CLNK: variants seen among roughly 807,000 people sequenced by gnomAD.
The protein encoded by CLNK is cytokine-dependent hematopoietic cell linker.
Under a neutral mutation model 68.6 loss-of-function variants are expected in CLNK, and 74 were observed. That is an observed-to-expected ratio of 1.08 (90% CI 0.89 to 1.31). CLNK has a LOEUF of 1.31. Ranked by LOEUF, CLNK falls within the 50% of genes most tolerant of loss-of-function variation. The probability of loss-of-function intolerance (pLI) is 0.00; values close to 1 mark genes in which losing one functional copy is unlikely to be tolerated. For synonymous variants in CLNK, 198 were observed against 172.2 expected (o/e 1.15, Z -1.17); for missense variants, 553 against 515.3 (o/e 1.07, Z -0.71).
chr4:10,532,400 A>G, intron 11 of CLNK, 117 bp from the exon 12 acceptor site: 2 of 764,002 alleles, frequency 2.6e-6, no homozygotes, highest in East Asian at 5.3e-5. Flanking sequence ...AACAGCCCAT[A>G]GTCCAGTGAG....
At chr4:10,680,205 A>G (rs1725042050) in intron 1 of CLNK, among the ~76,000 whole-genome samples, 2 of 152,164 alleles carry the variant, frequency 1.3e-5, no homozygotes, top group African/African-American at 4.8e-5. Context: ...TGATGAGTTC[A>G]TGTCCTTTGT....
intron 8 of CLNK, among the ~76,000 whole-genome samples, chr4:10,544,413 C>G (rs1003580027): frequency 1.3e-5 from 2 of 152,088 alleles, no homozygotes; most frequent in African/African-American, 4.8e-5. Flanking sequence ...AGTTGCTATT[C>G]CCATGAAGCT....
intron 8 of CLNK, among the ~76,000 whole-genome samples, chr4:10,551,268 C>T (rs1368662262): frequency 6.6e-6 from 1 of 151,762 alleles, no homozygotes; most frequent in Non-Finnish European, 1.5e-5. Flanking sequence ...TTTTTGAGAC[C>T]AAGTCTCGCT....
At chr4:10,705,893 T>C in the CLNK span, among the ~76,000 whole-genome samples, 8 of 152,212 alleles carry the variant, frequency 5.3e-5, no homozygotes, top group Non-Finnish European at 1.2e-4. Context: ...ACGGGAAAAG[T>C]GTAAGACACT....
At position 10,490,428 on chromosome 4, in the gene CLNK, C is replaced by G. The variant is rs751560227; in HGVS notation, c.*39G>C. The G allele has an allele frequency of 2.5e-6, 4 of 1,594,550 alleles. No individual in the cohort carries two copies. In the African/African-American group the frequency reaches 4.1e-5, roughly 16 times the overall value. On this transcript the variant is annotated 3_prime_UTR_variant, in exon 19 of 19. Transcript: ENST00000226951. ...TTGAAATCAATGAAAACAATGGAAGCGCTGAATCCAGTAAACCAAAGATAA... is the reference window on the plus strand; with the variant it reads ...TTGAAATCAATGAAAACAATGGAAGGGCTGAATCCAGTAAACCAAAGATAA...
intron 11 of CLNK, among the ~76,000 whole-genome samples, chr4:10,534,685 G>A (rs1477551173): frequency 1.3e-5 from 2 of 152,136 alleles, no homozygotes; most frequent in African/African-American, 4.8e-5. Context: ...ACATTTTAAT[G>A]TTCACATTTG....
intron 3 of CLNK, among the ~76,000 whole-genome samples, chr4:10,587,513 C>T (rs1057415797): frequency 7.2e-5 from 11 of 152,190 alleles, no homozygotes; most frequent in Non-Finnish European, 1.3e-4. Flanking sequence ...TCGCAACACA[C>T]GCCAGGTGTA....
intron 5 of CLNK, among the ~76,000 whole-genome samples, chr4:10,568,208 G>A (rs1439991200): frequency 6.6e-6 from 1 of 152,148 alleles, no homozygotes; most frequent in East Asian, 1.9e-4. Flanking sequence ...CAATGAAAAC[G>A]AGTAAAGTAC....
chr4:10,682,349 A>G (rs1458201083), intron 1 of CLNK, among the ~76,000 whole-genome samples: 1 of 152,144 alleles, frequency 6.6e-6, no homozygotes, highest in Non-Finnish European at 1.5e-5. Flanking sequence ...GCCTAGAAGA[A>G]CTCTGCAGAA....
At chr4:10,620,912 C>T (rs1722423469) in intron 2 of CLNK, among the ~76,000 whole-genome samples, 1 of 148,132 alleles carries the variant, frequency 6.8e-6, no homozygotes, top group Non-Finnish European at 1.5e-5. Flanking sequence ...ACAATCCTGG[C>T]TAACATGGTG....
intron 17 of CLNK, among the ~76,000 whole-genome samples, chr4:10,504,007 T>G (rs1301775352): frequency 6.6e-6 from 1 of 151,550 alleles, no homozygotes; most frequent in Non-Finnish European, 1.5e-5. Flanking sequence ...GGTCTCAAAC[T>G]CCTGACCTCG....
chr4:10,650,162 A>T (rs1577196208), intron 2 of CLNK, among the ~76,000 whole-genome samples: 2 of 152,324 alleles, frequency 1.3e-5, no homozygotes, highest in Middle Eastern at 3.4e-3. Flanking sequence ...AAGATACTTA[A>T]CTCATTAACT....
the CLNK span, among the ~76,000 whole-genome samples, chr4:10,724,418 T>A: frequency 1.3e-5 from 2 of 152,160 alleles, no homozygotes; most frequent in Non-Finnish European, 2.9e-5. Context: ...CCTTTTCCTG[T>A]TGTTATAGCT....
At chr4:10,730,223 C>T in the CLNK span, among the ~76,000 whole-genome samples, 3 of 152,162 alleles carry the variant, frequency 2.0e-5, no homozygotes, top group African/African-American at 7.2e-5. Flanking sequence ...ACCATTGAAC[C>T]TCACATTGTA....
At chr4:10,559,834 G>T (rs573245013) in intron 7 of CLNK, among the ~76,000 whole-genome samples, 2 of 152,288 alleles carry the variant, frequency 1.3e-5, no homozygotes, top group South Asian at 4.1e-4. Flanking sequence ...ATACCAGCTT[G>T]GATTCACAGG....
At chr4:10,491,260 T>C (rs760701532) in intron 18 of CLNK, among the ~76,000 whole-genome samples, 5 of 152,226 alleles carry the variant, frequency 3.3e-5, no homozygotes, top group Non-Finnish European at 7.3e-5. Flanking sequence ...ACAACCTTTC[T>C]ATCCTAAGGA....
chr4:10,690,349 G>A, the CLNK span, among the ~76,000 whole-genome samples: 5 of 152,126 alleles, frequency 3.3e-5, no homozygotes, highest in Non-Finnish European at 7.4e-5. Context: ...GGCATTTTGA[G>A]GATAACACGG....
chr4:10,722,742 T>C, the CLNK span, among the ~76,000 whole-genome samples: 1 of 152,118 alleles, frequency 6.6e-6, no homozygotes, highest in Non-Finnish European at 1.5e-5. Context: ...TTACAAAATT[T>C]TCTGGGGTTT....
chr4:10,493,988 C>T (rs1224616579), intron 18 of CLNK, among the ~76,000 whole-genome samples: 1 of 152,182 alleles, frequency 6.6e-6, no homozygotes, highest in Non-Finnish European at 1.5e-5. Context: ...CAGCACATGC[C>T]AGGCCTTATG....
Sources: allele counts gnomAD v4.1 joint callset (sites outside exome capture counted in the v4.1 genomes callset), GRCh38; gene constraint gnomAD v4.1.1; transcripts MANE v1.5; gene names NCBI Gene and HGNC (gene_info 2026-07-23, HGNC 2026-07-21).